The following DPYD variants were observed in gnomAD, a reference collection of about 807,000 sequenced individuals.
DPYD encodes dihydropyrimidine dehydrogenase [NADP(+)].
In DPYD, 109 loss-of-function variants were observed where a neutral mutation model predicts 116.2. The ratio of observed to expected loss-of-function variants is 0.94; its 90% CI spans 0.80 to 1.10. The LOEUF (loss-of-function observed/expected upper bound fraction) is 1.10. DPYD is among the 50% of genes least tolerant of loss of function. The probability of loss-of-function intolerance (pLI) is 0.00; values close to 1 mark genes in which losing one functional copy is unlikely to be tolerated. For synonymous variants in DPYD, 440 were observed against 432.0 expected (o/e 1.02, Z -0.23); for missense variants, 1,302 against 1,254.5 (o/e 1.04, Z -0.57).
At chr1:97,195,008 G>A (rs1338624864) in intron 19 of DPYD, among the ~76,000 whole-genome samples, 1 of 152,102 alleles carries the variant, frequency 6.6e-6, no homozygotes, top group East Asian at 1.9e-4. Context: ...ACTGCTTCTA[G>A]GTTGCTTATT....
intron 19 of DPYD, among the ~76,000 whole-genome samples, chr1:97,205,419 G>T (rs1659522407): frequency 6.6e-6 from 1 of 151,176 alleles, no homozygotes; most frequent in African/African-American, 2.4e-5. Flanking sequence ...TCACATATAT[G>T]TAGCTTTTTC....
At chr1:97,340,136 A>C (rs1669517113) in intron 16 of DPYD, among the ~76,000 whole-genome samples, 1 of 152,112 alleles carries the variant, frequency 6.6e-6, no homozygotes, top group South Asian at 2.1e-4. Flanking sequence ...TAAACACAAA[A>C]TATTATAATA....
intron 20 of DPYD, among the ~76,000 whole-genome samples, chr1:97,165,684 T>C (rs1656270330): frequency 6.6e-6 from 1 of 152,046 alleles, no homozygotes; most frequent in African/African-American, 2.4e-5. Flanking sequence ...CGAACAAAGA[T>C]CTAATATCCT....
chr1:97,788,641 T>C (rs984586982), intron 3 of DPYD, among the ~76,000 whole-genome samples: 18 of 152,104 alleles, frequency 1.2e-4, no homozygotes, highest in African/African-American at 4.1e-4. Flanking sequence ...ATAACTAACA[T>C]GAAGTGAGAA....
At chr1:97,601,463 C>T (rs1355002484) in intron 8 of DPYD, among the ~76,000 whole-genome samples, 1 of 151,916 alleles carries the variant, frequency 6.6e-6, no homozygotes, top group Non-Finnish European at 1.5e-5. Flanking sequence ...TAAATATATG[C>T]ATCTATGTAT....
intron 12 of DPYD, among the ~76,000 whole-genome samples, chr1:97,518,753 A>AT (rs1226027887): frequency 6.6e-6 from 1 of 152,132 alleles, no homozygotes; most frequent in Non-Finnish European, 1.5e-5. Flanking sequence ...GTGTTGAACA[A>AT]TGGGGATAGG....
chr1:97,733,506 C>A (rs1357679416), intron 4 of DPYD, among the ~76,000 whole-genome samples: 1 of 151,874 alleles, frequency 6.6e-6, no homozygotes, highest in Non-Finnish European at 1.5e-5. Context: ...CTTTCACTTA[C>A]TACAAATATC....
At chr1:97,418,453 A>G (rs1481749608) in intron 14 of DPYD, among the ~76,000 whole-genome samples, 2 of 151,988 alleles carry the variant, frequency 1.3e-5, no homozygotes, top group East Asian at 3.9e-4. Context: ...GGTGCCTGCC[A>G]CCACACCCAG....
intron 8 of DPYD, among the ~76,000 whole-genome samples, chr1:97,599,435 A>G (rs1655107403): frequency 6.6e-6 from 1 of 151,828 alleles, no homozygotes; most frequent in Non-Finnish European, 1.5e-5. Context: ...GAAAAAAAAA[A>G]GCTTTTAAGG....
At chr1:97,696,056 G>T (rs563592851) in intron 6 of DPYD, among the ~76,000 whole-genome samples, 7 of 151,908 alleles carry the variant, frequency 4.6e-5, no homozygotes, top group South Asian at 4.2e-4. Context: ...CTTGAATCCC[G>T]GAGGTGGAGG....
intron 1 of DPYD, among the ~76,000 whole-genome samples, chr1:97,888,321 A>G (rs1389339653): frequency 6.6e-6 from 1 of 152,080 alleles, no homozygotes; most frequent in Non-Finnish European, 1.5e-5. Flanking sequence ...TCAGAAGACC[A>G]AAGAGAAAAA....
intron 13 of DPYD, among the ~76,000 whole-genome samples, chr1:97,496,978 A>G (rs1397311399): frequency 3.3e-5 from 5 of 152,034 alleles, no homozygotes; most frequent in Admixed American, 6.6e-5. Flanking sequence ...GAATTTGAAC[A>G]AATCTTTTGA....
intron 13 of DPYD, among the ~76,000 whole-genome samples, chr1:97,508,469 GCTCTCTTGTATTCT>G (rs1371336528): frequency 2.6e-5 from 4 of 151,908 alleles, no homozygotes; most frequent in African/African-American, 9.7e-5. Flanking sequence ...AAATCAAAAT[GCTCTCTTGTATTCT>G]CTCTGAAATT....
At chr1:97,479,961 G>C (rs1678206204) in intron 13 of DPYD, among the ~76,000 whole-genome samples, 1 of 152,144 alleles carries the variant, frequency 6.6e-6, no homozygotes, top group Non-Finnish European at 1.5e-5. Context: ...CATCTGGCTA[G>C]TGAGAAATAA....
intron 20 of DPYD, among the ~76,000 whole-genome samples, chr1:97,152,448 A>G (rs1655097771): frequency 6.6e-6 from 1 of 151,578 alleles, no homozygotes; most frequent in Non-Finnish European, 1.5e-5. Context: ...ATACACACAC[A>G]CACACACACA....
rs568270959 is a variant in DPYD at position 97,611,382 on chromosome 1, G to A, written c.851-16216C>T. Among the ~76,000 whole-genome samples the A allele has an allele frequency of 1.3e-4, 20 of 152,038 alleles. No individual in the cohort carries two copies. In the South Asian group the frequency reaches 3.9e-3, roughly 30 times the overall value. ...GGAGCTATAAGATGAGAGTTGGGTG[G>A]GGACAGAGAATTTCATTTGGGTGAT... On this transcript the variant is annotated intron_variant, in intron 8 of 22. Coordinates refer to ENST00000370192, the MANE Select transcript of DPYD (RefSeq NM_000110.4).
intron 10 of DPYD, among the ~76,000 whole-genome samples, 177 bp downstream of exon 10, chr1:97,593,041 T>G (rs1414173540): frequency 1.3e-5 from 2 of 152,220 alleles, no homozygotes; most frequent in African/African-American, 2.4e-5. Flanking sequence ...AAATCAGTAT[T>G]ACAAATTTTC....
At chr1:97,727,772 G>C (rs1663356202) in intron 4 of DPYD, among the ~76,000 whole-genome samples, 1 of 151,732 alleles carries the variant, frequency 6.6e-6, no homozygotes, top group Admixed American at 6.6e-5. Context: ...TATTAGGAGG[G>C]GAACACCTCC....
In DPYD at chr1:97,883,131, T is replaced by C. The variant is rs1672310398; in HGVS notation, c.150+133A>G. On this transcript the variant is annotated intron_variant, in intron 2 of 22. Transcript: ENST00000370192. ...ATACACTTTCAAACTTTTTCAAATA[T>C]TAAATATTTAAAATATTTTTAAAAT... is the stretch of plus-strand genomic sequence containing the variant. The C allele has an allele frequency of 1.9e-5, 12 of 617,396 alleles. No individual in the cohort carries two copies. The South Asian group carries it at 2.7e-4, about 14-fold the overall frequency. The allele number at this position is 617,396 out of a possible 1,614,324, so 38.2% of individuals were successfully genotyped here.
Sources: gnomAD v4.1 joint callset for allele counts (sites outside exome capture counted in the v4.1 genomes callset) on GRCh38, gnomAD v4.1.1 for gene constraint, MANE v1.5 for transcripts, NCBI Gene and HGNC (gene_info 2026-07-23, HGNC 2026-07-21) for gene names.